STK33: variants seen among roughly 807,000 people sequenced by gnomAD.
STK33 encodes the protein serine/threonine kinase 33, also known as serine/threonine-protein kinase 33.
STK33 carries 52 observed loss-of-function variants against 58.0 expected under a neutral mutation model. The observed-to-expected ratio is 0.90, with a 90% CI of 0.72 to 1.13. The LOEUF is 1.13. Among genes scored for constraint, STK33 ranks in the 50% most tolerant of loss-of-function variants. The pLI is 0.00. For synonymous variants in STK33, 215 were observed against 200.1 expected, an observed-to-expected ratio of 1.07 and a Z score of -0.63; for missense variants, 630 against 604.2, an observed-to-expected ratio of 1.04 and a Z score of -0.45.
intron 11 of STK33, 37 bp from the exon 12 acceptor site, chr11:8,440,790 A>G: frequency 6.5e-7 from 1 of 1,526,876 alleles, no homozygotes; most frequent in Non-Finnish European, 8.9e-7. Context: ...CATTAATAAT[A>G]CAATAAATGT....
At chr11:8,405,836 ATC>A (rs1006490230) in intron 15 of STK33, among the ~76,000 whole-genome samples, 4 of 152,100 alleles carry the variant, frequency 2.6e-5, no homozygotes, top group African/African-American at 7.2e-5. Context: ...TTGCTTTGAA[ATC>A]TCTGTCAAAA....
intron 1 of STK33, among the ~76,000 whole-genome samples, chr11:8,526,483 T>G (rs1046846889): frequency 1.3e-5 from 2 of 152,110 alleles, no homozygotes; most frequent in African/African-American, 4.8e-5. Context: ...ACGCATATCT[T>G]ATAACTCAAA....
At position 8,473,168 on chromosome 11, in the gene STK33, T is replaced by C. The variant is rs149798299; in HGVS notation, c.334A>G (p.Ile112Val). Residue 112 changes from isoleucine to valine, a missense_variant, in exon 6 of 16, where the codon ATT becomes GTT. Physicochemically the swap from Ile to Val is conservative, Grantham distance 29. Transcript: ENST00000687296. ...TTCATTTGCTTTCTATATACCTCAA[T>C]AGCAGCTCCATTCTCAATCCTTATG... ...PHIRIENGAA[I>V]EEIYTFGRIL... The C allele has an allele frequency of 1.5e-4, 240 of 1,609,182 alleles. No individual in the cohort carries two copies. Among genetic ancestry groups the C allele is most frequent in the Non-Finnish European group, 1.9e-4 (226 of 1,176,740 alleles).
At chr11:8,338,004 T>C in the STK33 span, among the ~76,000 whole-genome samples, 508 of 152,316 alleles carry the variant, frequency 3.3e-3, 6 homozygotes, top group African/African-American at 0.012. Context: ...CTCATCGTAA[T>C]TGACATACTG....
intron 1 of STK33, among the ~76,000 whole-genome samples, chr11:8,566,327 A>T (rs755215738): frequency 1.3e-5 from 2 of 152,236 alleles, no homozygotes; most frequent in Non-Finnish European, 2.9e-5. Flanking sequence ...CTTTTTAAAC[A>T]ATCTTAGACC....
intron 9 of STK33, among the ~76,000 whole-genome samples, chr11:8,455,038 C>A (rs986909121): frequency 6.6e-6 from 1 of 152,172 alleles, no homozygotes; most frequent in Non-Finnish European, 1.5e-5. Flanking sequence ...GACTCCCTCA[C>A]CTCTACCCAT....
intron 1 of STK33, among the ~76,000 whole-genome samples, chr11:8,551,776 G>C (rs922621475): frequency 6.6e-6 from 1 of 152,102 alleles, no homozygotes; most frequent in Non-Finnish European, 1.5e-5. Context: ...AAACATAAAT[G>C]GGCACCAGAA....
At chr11:8,387,068 AACTT>A (rs1388132166), downstream of STK33, among the ~76,000 whole-genome samples, 19 of 152,224 alleles carry the variant, frequency 1.2e-4, no homozygotes, top group African/African-American at 4.6e-4. Flanking sequence ...AAGCCTTGAG[AACTT>A]ACTTTTATCA....
Position 8,523,980 on chromosome 11 carries a change from C to A in STK33, c.-465-43366G>T, listed in dbSNP as rs984624520. Among the ~76,000 whole-genome samples, 18 of 152,192 alleles carry A rather than the reference C, an allele frequency of 1.2e-4. 1 individual carries two copies. In the South Asian group the frequency reaches 1.2e-3, roughly 11 times the overall value. On this transcript the variant is annotated intron_variant, in intron 1 of 15. Coordinates refer to ENST00000687296, the MANE Select transcript of STK33 (RefSeq NM_001352389.2). ...ATCTTGTTCTGTACTAAGAAAAATT[C>A]TTCTGCCTTGGGATGCTGTTAATCT... is the stretch of plus-strand genomic sequence containing the variant.
intron 14 of STK33, among the ~76,000 whole-genome samples, chr11:8,425,302 G>C (rs552055460): frequency 6.6e-6 from 1 of 152,130 alleles, no homozygotes; most frequent in Non-Finnish European, 1.5e-5. Flanking sequence ...TTGTAGATAT[G>C]TGGCATTACT....
chr11:8,520,156 A>G (rs868069278), intron 1 of STK33, among the ~76,000 whole-genome samples: 360 of 152,294 alleles, frequency 2.4e-3, no homozygotes, highest in African/African-American at 8.0e-3. Flanking sequence ...TGATCAAGTC[A>G]GCTTCATCCC....
chr11:8,484,531 C>T (rs144531670), intron 1 of STK33, among the ~76,000 whole-genome samples: 241 of 152,270 alleles, frequency 1.6e-3, no homozygotes, highest in African/African-American at 4.4e-3. Flanking sequence ...GAATAGCCTA[C>T]GAGCAACTTG....
At chr11:8,448,189 T>C (rs1406698421) in intron 11 of STK33, among the ~76,000 whole-genome samples, 1 of 152,080 alleles carries the variant, frequency 6.6e-6, no homozygotes, top group Non-Finnish European at 1.5e-5. Flanking sequence ...ATCAATATCG[T>C]GAAAATGGCC....
chr11:8,566,862 A>G (rs1464389214), intron 1 of STK33, among the ~76,000 whole-genome samples: 1 of 152,200 alleles, frequency 6.6e-6, no homozygotes, highest in East Asian at 1.9e-4. Context: ...TGTCGAACCT[A>G]TGACATTGTT....
chr11:8,539,579 C>T (rs1163213832), intron 1 of STK33, among the ~76,000 whole-genome samples: 2 of 152,162 alleles, frequency 1.3e-5, no homozygotes, highest in African/African-American at 4.8e-5. Context: ...AAAATACCAA[C>T]ACCAATAAAT....
chr11:8,410,470 C>CTTTTTTTTTTTT (rs11382344), intron 15 of STK33, among the ~76,000 whole-genome samples: 40 of 121,818 alleles, frequency 3.3e-4, no homozygotes, highest in African/African-American at 4.6e-4. Flanking sequence ...CTTTTCTTTT[C>CTTTTTTTTTTTT]TTTTTTTTTT....
At chr11:8,535,463 A>G (rs1954920338) in intron 1 of STK33, among the ~76,000 whole-genome samples, 1 of 152,120 alleles carries the variant, frequency 6.6e-6, no homozygotes, top group South Asian at 2.1e-4. Context: ...AGAGCTACAA[A>G]TGGCCAACAC....
chr11:8,355,924 G>A, the STK33 span, among the ~76,000 whole-genome samples: 4 of 152,238 alleles, frequency 2.6e-5, no homozygotes, highest in Non-Finnish European at 4.4e-5. Flanking sequence ...ACATGGAGAA[G>A]GAGTGCTGAT....
chr11:8,339,566 A>G, the STK33 span, among the ~76,000 whole-genome samples: 71,634 of 152,130 alleles, frequency 0.47, 17,600 homozygotes, highest in Non-Finnish European at 0.54. Context: ...AGGGCGGCGC[A>G]CAGAGGCCAG....
Sources: gnomAD v4.1 joint callset for allele counts (sites outside exome capture counted in the v4.1 genomes callset) on GRCh38, gnomAD v4.1.1 for gene constraint, MANE v1.5 for transcripts, NCBI Gene and HGNC (gene_info 2026-07-23, HGNC 2026-07-21) for gene names.